Variants in NKAIN3 observed in about 807,000 individuals in gnomAD.
The protein encoded by NKAIN3 is sodium/potassium transporting ATPase interacting 3.
Under a neutral mutation model 30.2 loss-of-function variants are expected in NKAIN3, and 25 were observed. The observed-to-expected ratio is 0.83, with a 90% CI of 0.60 to 1.16. The LOEUF is 1.16. NKAIN3 is among the 50% of genes most tolerant of loss of function. NKAIN3 has a pLI of 0.00. For missense variants in NKAIN3, 225 were observed against 254.1 expected (o/e 0.89, Z 0.78); for synonymous variants, 91 against 89.6 (o/e 1.02, Z -0.09).
intron 1 of NKAIN3, among the ~76,000 whole-genome samples, chr8:62,445,438 A>G (rs1805459216): frequency 6.6e-6 from 1 of 152,050 alleles, no homozygotes; most frequent in African/African-American, 2.4e-5. Context: ...TTATAAGGAA[A>G]TTGAGCCTCA....
At chr8:62,992,248 G>A (rs1045918587) in intron 5 of NKAIN3, among the ~76,000 whole-genome samples, 2 of 151,960 alleles carry the variant, frequency 1.3e-5, no homozygotes, top group East Asian at 3.9e-4. Context: ...CTGACCTCAA[G>A]TGATCCACCC....
chr8:62,648,902 G>C (rs373505170), intron 3 of NKAIN3, among the ~76,000 whole-genome samples: 9 of 152,116 alleles, frequency 5.9e-5, no homozygotes, highest in African/African-American at 2.2e-4. Context: ...CTGAGACAGA[G>C]GGTGGTGTTG....
chr8:62,320,900 T>G (rs1471021724), intron 1 of NKAIN3, among the ~76,000 whole-genome samples: 1 of 152,224 alleles, frequency 6.6e-6, no homozygotes, highest in Non-Finnish European at 1.5e-5. Context: ...ATTGGGGAAG[T>G]TCTCCTGGAT....
intron 1 of NKAIN3, among the ~76,000 whole-genome samples, chr8:62,274,505 T>C (rs1314507663): frequency 6.6e-6 from 1 of 152,208 alleles, no homozygotes; most frequent in Non-Finnish European, 1.5e-5. Flanking sequence ...CTTTACATTT[T>C]CTTGATTTTT....
chr8:62,997,373 A>G (rs529931655), intron 5 of NKAIN3, among the ~76,000 whole-genome samples: 6 of 152,252 alleles, frequency 3.9e-5, no homozygotes, highest in African/African-American at 1.2e-4. Flanking sequence ...TTTTAAAACC[A>G]TGGCAGTGAG....
intron 5 of NKAIN3, among the ~76,000 whole-genome samples, chr8:62,928,667 G>T (rs920612565): frequency 6.6e-6 from 1 of 152,140 alleles, no homozygotes; most frequent in Non-Finnish European, 1.5e-5. Context: ...TTACTTCCAC[G>T]TGTGATTCTT....
At chr8:62,820,020 TG>T (rs1818804699) in intron 4 of NKAIN3, among the ~76,000 whole-genome samples, 1 of 152,064 alleles carries the variant, frequency 6.6e-6, no homozygotes, top group African/African-American at 2.4e-5. Context: ...GTTGAAATAT[TG>T]ACTGGAAAAC....
At chr8:62,990,489 G>T in intron 5 of NKAIN3, 1 of 524,840 alleles carries the variant, frequency 1.9e-6, no homozygotes, top group Non-Finnish European at 2.6e-6. Context: ...AATTATCTTA[G>T]CATCTTACCT....
intron 4 of NKAIN3, chr8:62,856,334 C>T: frequency 1.1e-6 from 1 of 921,522 alleles, no homozygotes. Context: ...TCAGCTTTAA[C>T]CTGCTTAGTG....
chr8:62,678,638 T>A (rs1447590322), intron 3 of NKAIN3, among the ~76,000 whole-genome samples: 2 of 151,122 alleles, frequency 1.3e-5, no homozygotes, highest in African/African-American at 4.8e-5. Flanking sequence ...TGATGTTATA[T>A]TGATAATATA....
chr8:62,920,805 C>G lies in NKAIN3; in HGVS notation c.532+2292C>G, dbSNP rs1216533050. On this transcript the variant is annotated intron_variant, in intron 5 of 6. Coordinates refer to ENST00000623646, the MANE Select transcript of NKAIN3 (RefSeq NM_001304533.3). ...AAATTGACTCAGAGTCAAAACGAAA[C>G]TTGGGTGCTCAAAGCAAAGTATATA... 1.1e-4 allele frequency among the ~76,000 whole-genome samples: 16 copies of G among 152,244 alleles called. No individual in the cohort carries two copies. In the South Asian group the frequency reaches 3.1e-3, roughly 30 times the overall value.
chr8:62,796,187 C>G (rs1164393141), intron 4 of NKAIN3, among the ~76,000 whole-genome samples: 1 of 151,638 alleles, frequency 6.6e-6, no homozygotes, highest in East Asian at 1.9e-4. Context: ...AGTTCGAAAC[C>G]AAACTGGCCA....
intron 2 of NKAIN3, among the ~76,000 whole-genome samples, chr8:62,588,071 G>T (rs1412771125): frequency 2.6e-5 from 4 of 151,652 alleles, no homozygotes; most frequent in Non-Finnish European, 5.9e-5. Flanking sequence ...TTTATTTTAT[G>T]TTCTTTTCCT....
intron 4 of NKAIN3, among the ~76,000 whole-genome samples, chr8:62,815,971 C>G (rs1818664918): frequency 6.6e-6 from 1 of 152,030 alleles, no homozygotes; most frequent in African/African-American, 2.4e-5. Context: ...ATCTGTACTC[C>G]CTTGTTTCTC....
intron 1 of NKAIN3, among the ~76,000 whole-genome samples, chr8:62,280,027 G>C (rs1197980307): frequency 1.3e-5 from 2 of 152,142 alleles, no homozygotes; most frequent in Non-Finnish European, 2.9e-5. Flanking sequence ...TCTTCCATTT[G>C]TTTGTGTCCT....
chr8:62,549,346 G>A (rs76321028), intron 1 of NKAIN3, among the ~76,000 whole-genome samples: 2,117 of 152,112 alleles, frequency 0.014, 44 homozygotes, highest in African/African-American at 0.044. Flanking sequence ...GGGATCGGAG[G>A]GGGGCCTGTT....
intron 4 of NKAIN3, among the ~76,000 whole-genome samples, chr8:62,803,221 CA>C (rs1187106898): frequency 6.6e-6 from 1 of 152,086 alleles, no homozygotes; most frequent in Non-Finnish European, 1.5e-5. Context: ...AGAAAGTTAG[CA>C]AGGATACCCA....
At chr8:62,629,154 A>G (rs1159882323) in intron 3 of NKAIN3, among the ~76,000 whole-genome samples, 1 of 152,138 alleles carries the variant, frequency 6.6e-6, no homozygotes, top group African/African-American at 2.4e-5. Flanking sequence ...AAGTAATCAG[A>G]TAATTCTAGT....
intron 3 of NKAIN3, among the ~76,000 whole-genome samples, chr8:62,674,258 T>C (rs1256272495): frequency 6.6e-6 from 1 of 152,218 alleles, no homozygotes; most frequent in African/African-American, 2.4e-5. Flanking sequence ...GCTCATGCTG[T>C]CTGTAGACCT....
Sources: allele counts gnomAD v4.1 joint callset (sites outside exome capture counted in the v4.1 genomes callset), GRCh38; gene constraint gnomAD v4.1.1; transcripts MANE v1.5; gene names NCBI Gene and HGNC (gene_info 2026-07-23, HGNC 2026-07-21).